C3orf70: variants seen among roughly 807,000 people sequenced by gnomAD.
C3orf70 encodes chromosome 3 open reading frame 70.
In C3orf70, 15 loss-of-function variants were observed where a neutral mutation model predicts 20.7. The observed-to-expected ratio is 0.72, with a 90% CI of 0.48 to 1.11. The LOEUF (loss-of-function observed/expected upper bound fraction) is 1.11, where lower values mean the gene tolerates loss of function less well. Among genes scored for constraint, C3orf70 ranks in the 50% most tolerant of loss-of-function variants. The pLI is 0.00. For synonymous variants in C3orf70, 161 were observed against 125.7 expected, an observed-to-expected ratio of 1.28 and a Z score of -1.88; for missense variants, 332 against 317.6, an observed-to-expected ratio of 1.05 and a Z score of -0.34.
At chr3:185,128,928 A>G (rs958958896) in intron 1 of C3orf70, among the ~76,000 whole-genome samples, 1 of 152,228 alleles carries the variant, frequency 6.6e-6, no homozygotes, top group Admixed American at 6.5e-5. Context: ...TAATCAAGTG[A>G]TTAATATCTG....
chr3:185,139,848 TA>T (rs748999565), intron 1 of C3orf70, among the ~76,000 whole-genome samples: 17 of 151,958 alleles, frequency 1.1e-4, no homozygotes, highest in Non-Finnish European at 1.8e-4. Context: ...TGGAATTAAA[TA>T]CGAAACTTAA....
intron 1 of C3orf70, among the ~76,000 whole-genome samples, chr3:185,096,176 C>T (rs1190171933): frequency 6.6e-6 from 1 of 152,118 alleles, no homozygotes; most frequent in African/African-American, 2.4e-5. Flanking sequence ...TCTCATTTCT[C>T]CTGAAACTGT....
chr3:185,146,859 G>A (rs1310376192), intron 1 of C3orf70, among the ~76,000 whole-genome samples: 1 of 152,108 alleles, frequency 6.6e-6, no homozygotes, highest in Non-Finnish European at 1.5e-5. Flanking sequence ...ATTTACTAAC[G>A]AAAAGAAGTA....
At chr3:185,123,463 T>G (rs1716348046) in intron 1 of C3orf70, among the ~76,000 whole-genome samples, 2 of 151,816 alleles carry the variant, frequency 1.3e-5, no homozygotes, top group Non-Finnish European at 2.9e-5. Context: ...AATTACCAAC[T>G]ATAGTGCCTT....
In C3orf70 at chr3:185,083,329, C is replaced by G; in HGVS notation, c.431G>C (p.Cys144Ser). 1 of 1,614,210 alleles carries G rather than the reference C, an allele frequency of 6.2e-7. No individual in the cohort carries two copies. The highest frequency in any genetic ancestry group is 1.1e-5 in the South Asian group (1 of 91,074). ...YQVKCINGKM[C>S]YVQKQPAPHS... ...TGGTGCCGGCTGCTTCTGCACATAA[C>G]ACATCTTCCCATTAATACATTTAAC... Residue 144 changes from cysteine to serine, a missense_variant, in exon 2 of 2, where the codon TGT becomes TCT. Transcript: ENST00000335012.
At chr3:185,108,263 T>A (rs982670421) in intron 1 of C3orf70, among the ~76,000 whole-genome samples, 2 of 152,262 alleles carry the variant, frequency 1.3e-5, no homozygotes, top group Non-Finnish European at 2.9e-5. Context: ...TAAAGCTTCT[T>A]ATTCTGGCTC....
At chr3:185,095,219 AG>A (rs1442306076) in intron 1 of C3orf70, among the ~76,000 whole-genome samples, 16 of 152,352 alleles carry the variant, frequency 1.1e-4, no homozygotes, top group African/African-American at 3.6e-4. Flanking sequence ...AAAAATCACT[AG>A]TGCGTGGGTT....
chr3:185,147,138 AT>A (rs1716893583), intron 1 of C3orf70, among the ~76,000 whole-genome samples: 1 of 152,228 alleles, frequency 6.6e-6, no homozygotes, highest in Non-Finnish European at 1.5e-5. Flanking sequence ...TTCTTTAGAT[AT>A]GCTAATACCA....
chr3:185,099,913 T>C (rs1561337321), intron 1 of C3orf70, among the ~76,000 whole-genome samples: 1 of 152,210 alleles, frequency 6.6e-6, no homozygotes, highest in Non-Finnish European at 1.5e-5. Context: ...GATGCAACCC[T>C]AATTTCACAT....
intron 1 of C3orf70, among the ~76,000 whole-genome samples, chr3:185,128,790 C>T (rs1476859344): frequency 6.6e-6 from 1 of 152,150 alleles, no homozygotes; most frequent in East Asian, 1.9e-4. Flanking sequence ...TTCTATCAAA[C>T]GCGCTTCTGT....
Position 185,083,405 on chromosome 3 carries a change from CAG to C in C3orf70, c.353_354del (p.Pro118ArgfsTer14). The C allele has an allele frequency of 1.2e-6, 2 of 1,614,056 alleles. No individual in the cohort carries two copies. The highest frequency in any genetic ancestry group is 1.1e-5 in the South Asian group (1 of 91,052). Reference protein sequence around the residue: ...FASVFQPPLPPDSPRYCMISD... With the variant: ...FASVFQPPLPXDSPRYCMISD... ...GAAATCATACAGTACCTCGGTGAGTCAGGGGGAAGGGGAGGCTGGAAGACAGA... is the reference window on the plus strand; with the variant it reads ...GAAATCATACAGTACCTCGGTGAGTCGGGGAAGGGGAGGCTGGAAGACAGA... On this transcript the variant is annotated frameshift_variant, in exon 2 of 2. Coordinates refer to ENST00000335012, the MANE Select transcript of C3orf70 (RefSeq NM_001025266.3). LOFTEE classifies it high-confidence loss of function.
chr3:185,136,943 AACAAC>A (rs1716641293), intron 1 of C3orf70, among the ~76,000 whole-genome samples: 2 of 146,916 alleles, frequency 1.4e-5, no homozygotes, highest in Admixed American at 6.7e-5. Flanking sequence ...CAACAACAAC[AACAAC>A]AAACTACAAA....
chr3:185,093,572 G>T (rs1715638096), intron 1 of C3orf70, among the ~76,000 whole-genome samples: 1 of 152,102 alleles, frequency 6.6e-6, no homozygotes, highest in Non-Finnish European at 1.5e-5. Flanking sequence ...TCCAGTTTGG[G>T]TCACATAAAC....
At chr3:185,123,759 T>G (rs1371165754) in intron 1 of C3orf70, among the ~76,000 whole-genome samples, 1 of 152,240 alleles carries the variant, frequency 6.6e-6, no homozygotes, top group African/African-American at 2.4e-5. Flanking sequence ...CCTATTTTAT[T>G]GTGTAAACTG....
At chr3:185,123,308 AAG>A (rs1333717745) in intron 1 of C3orf70, among the ~76,000 whole-genome samples, 1 of 152,104 alleles carries the variant, frequency 6.6e-6, no homozygotes, top group East Asian at 1.9e-4. Flanking sequence ...GCATTTGTGA[AAG>A]ATAAATTTCT....
rs1331339256 is a variant in C3orf70, at chr3:185,076,940, G to T, written c.*6067C>A. 6.6e-6 allele frequency among the ~76,000 whole-genome samples: 1 copy of T among 152,228 alleles called. No individual in the cohort carries two copies. The highest frequency in any genetic ancestry group is 2.4e-5 in the African/African-American group (1 of 41,460). On this transcript the variant is annotated 3_prime_UTR_variant, in exon 2 of 2. Coordinates refer to ENST00000335012, the MANE Select transcript of C3orf70 (RefSeq NM_001025266.3). The stretch of plus-strand genomic sequence containing the variant: ...TTCTAGGACTTGGCAATACAATTAG[G>T]TAGAGAGTTAAAACAGTAGAGTGCA...
chr3:185,140,982 G>A (rs80321884), intron 1 of C3orf70, among the ~76,000 whole-genome samples: 14 of 123,970 alleles, frequency 1.1e-4, no homozygotes, highest in African/African-American at 2.2e-4. Context: ...AAAAAAAAAA[G>A]AAAAAAAAAG....
intron 1 of C3orf70, among the ~76,000 whole-genome samples, chr3:185,097,362 C>T (rs1199711482): frequency 6.6e-6 from 1 of 152,134 alleles, no homozygotes; most frequent in African/African-American, 2.4e-5. Flanking sequence ...TTTTAAAGAA[C>T]ATTGTCTTTG....
chr3:185,103,896 T>A (rs1237053236), intron 1 of C3orf70, among the ~76,000 whole-genome samples: 3 of 152,090 alleles, frequency 2.0e-5, no homozygotes, highest in Non-Finnish European at 4.4e-5. Flanking sequence ...GTGGGCTCTG[T>A]GGGAACCTGC....
Sources: gnomAD v4.1 joint callset for allele counts (sites outside exome capture counted in the v4.1 genomes callset) on GRCh38, gnomAD v4.1.1 for gene constraint, MANE v1.5 for transcripts, NCBI Gene and HGNC (gene_info 2026-07-23, HGNC 2026-07-21) for gene names.